The following ST7 variants were observed in gnomAD, a reference collection of about 807,000 sequenced individuals.
ST7 encodes the protein suppression of tumorigenicity 7, also known as suppressor of tumorigenicity 7 protein.
A neutral mutation model predicts 78.7 loss-of-function variants in ST7; 28 were observed. That is an observed-to-expected ratio of 0.36 (90% CI 0.26 to 0.49). The LOEUF (loss-of-function observed/expected upper bound fraction) is 0.49. ST7 is among the 20% of genes least tolerant of loss of function. The probability of loss-of-function intolerance (pLI) is 0.99; values close to 1 mark genes in which losing one functional copy is unlikely to be tolerated. For missense variants in ST7, 418 were observed against 696.0 expected (o/e 0.60, Z 4.49); for synonymous variants, 247 against 249.6 (o/e 0.99, Z 0.10).
chr7:117,111,454 A>C (rs1744593327), intron 2 of ST7, among the ~76,000 whole-genome samples: 1 of 152,158 alleles, frequency 6.6e-6, no homozygotes, highest in South Asian at 2.1e-4. Flanking sequence ...ACAAAGAAAA[A>C]CCCTGATGTT....
In ST7 at chr7:117,130,624, A is replaced by G. The variant is rs779248681; in HGVS notation, c.565+18A>G. Reference sequence around the variant, plus strand: ...AGATGCAAGTATGAAAAATCCATACATCCTTCTGAATGGGAGGGCTTTTTG... The same window carrying G: ...AGATGCAAGTATGAAAAATCCATACGTCCTTCTGAATGGGAGGGCTTTTTG... On this transcript the variant is annotated intron_variant, in intron 5 of 15. Coordinates refer to ENST00000323984, the MANE Select transcript of ST7 (RefSeq NM_001369598.1). The G allele has an allele frequency of 3.2e-6, 5 of 1,585,964 alleles. No homozygotes were observed. In the South Asian group the frequency reaches 5.6e-5, roughly 18 times the overall value.
intron 1 of ST7, among the ~76,000 whole-genome samples, chr7:117,031,882 ATTTTT>A (rs760153477): frequency 4.1e-4 from 45 of 110,332 alleles, no homozygotes; most frequent in African/African-American, 9.7e-4. Context: ...ATATATATAT[ATTTTT>A]TTTTTTTTTT....
chr7:117,091,129 T>G (rs372692409), intron 1 of ST7, among the ~76,000 whole-genome samples: 185 of 152,318 alleles, frequency 1.2e-3, no homozygotes, highest in Middle Eastern at 3.4e-3. Context: ...TGAGGGTTTC[T>G]TGCCATAGGA....
At chr7:117,124,205 C>G (rs1177780828) in intron 3 of ST7, among the ~76,000 whole-genome samples, 1 of 152,036 alleles carries the variant, frequency 6.6e-6, no homozygotes, top group Non-Finnish European at 1.5e-5. Flanking sequence ...AGCACTAGAA[C>G]AAATAATTTT....
At chr7:117,016,212 A>G (rs1269554068) in intron 1 of ST7, among the ~76,000 whole-genome samples, 1 of 151,894 alleles carries the variant, frequency 6.6e-6, no homozygotes, top group Non-Finnish European at 1.5e-5. Context: ...GTGCATTTTG[A>G]TTTTCTTTTC....
At chr7:117,035,068 C>T (rs2116226555) in intron 1 of ST7, among the ~76,000 whole-genome samples, 1 of 151,020 alleles carries the variant, frequency 6.6e-6, no homozygotes, top group African/African-American at 2.4e-5. Flanking sequence ...TTTCATGAGG[C>T]CAAGACCATG....
At chr7:117,164,437 G>A (rs1341977713) in intron 9 of ST7, among the ~76,000 whole-genome samples, 1 of 152,172 alleles carries the variant, frequency 6.6e-6, no homozygotes, top group African/African-American at 2.4e-5. Flanking sequence ...GGTGATATGA[G>A]GGGGTGGGTG....
At chr7:117,072,783 C>G (rs1040616425) in intron 1 of ST7, 2 of 152,248 alleles carry the variant, frequency 1.3e-5, no homozygotes, top group African/African-American at 4.8e-5. Flanking sequence ...GAGCTAATTC[C>G]TCCTAGCAGA....
intron 1 of ST7, among the ~76,000 whole-genome samples, chr7:116,989,041 A>G (rs1417450017): frequency 6.6e-6 from 1 of 152,222 alleles, no homozygotes; most frequent in Non-Finnish European, 1.5e-5. Flanking sequence ...CATGAGCCAC[A>G]TATGAAATTC....
intron 12 of ST7, among the ~76,000 whole-genome samples, chr7:117,206,268 A>G (rs1791743600): frequency 6.6e-6 from 1 of 152,226 alleles, no homozygotes; most frequent in African/African-American, 2.4e-5. Context: ...AAGGCTGATT[A>G]GGCCAGGGAT....
intron 14 of ST7, among the ~76,000 whole-genome samples, chr7:117,221,382 C>G (rs940384724): frequency 9.2e-5 from 14 of 152,064 alleles, no homozygotes; most frequent in African/African-American, 3.4e-4. Context: ...CTGGATATCT[C>G]TCTATGAGGG....
At chr7:117,198,117 G>A (rs868559720) in intron 12 of ST7, among the ~76,000 whole-genome samples, 5 of 152,204 alleles carry the variant, frequency 3.3e-5, no homozygotes, top group African/African-American at 1.2e-4. Flanking sequence ...CCACAGGACT[G>A]GAATAAAGTA....
At chr7:116,972,254 G>T (rs145940459) in intron 1 of ST7, 29 of 543,732 alleles carry the variant, frequency 5.3e-5, no homozygotes, top group African/African-American at 4.9e-4. Flanking sequence ...TTATCTTCCA[G>T]GTCTTCAATT....
At chr7:117,106,732 T>A (rs1432579814) in intron 2 of ST7, among the ~76,000 whole-genome samples, 3 of 150,436 alleles carry the variant, frequency 2.0e-5, no homozygotes, top group Non-Finnish European at 3.0e-5. Flanking sequence ...ACCATTCTCC[T>A]GCCTTAGCCT....
intron 1 of ST7, among the ~76,000 whole-genome samples, chr7:117,017,976 T>TA (rs1373097521): frequency 2.6e-5 from 4 of 152,074 alleles, no homozygotes; most frequent in African/African-American, 7.2e-5. Context: ...AAAGTAGACT[T>TA]AAAAAAATCA....
intron 4 of ST7, 82 bp from the exon 5 acceptor site, chr7:117,130,409 T>A (rs532832452): frequency 1.0e-6 from 1 of 992,336 alleles, no homozygotes; most frequent in South Asian, 1.6e-5. Context: ...GGTCTATATT[T>A]CAACGCCTCT....
intron 1 of ST7, among the ~76,000 whole-genome samples, chr7:117,023,746 T>A (rs1017547813): frequency 1.2e-4 from 18 of 151,708 alleles, no homozygotes; most frequent in African/African-American, 4.1e-4. Context: ...AAGGTGATAA[T>A]TAAAATGTAT....
intron 1 of ST7, among the ~76,000 whole-genome samples, chr7:117,010,881 G>A (rs545276458): frequency 4.2e-4 from 64 of 152,284 alleles, no homozygotes; most frequent in Non-Finnish European, 7.8e-4. Flanking sequence ...CCGTGGACTC[G>A]CGTGGCAGGC....
At chr7:117,044,381 G>GT (rs796836198) in intron 1 of ST7, among the ~76,000 whole-genome samples, 1 of 152,084 alleles carries the variant, frequency 6.6e-6, no homozygotes, top group Non-Finnish European at 1.5e-5. Context: ...TAAGGTAGGC[G>GT]TTTTTTTCGA....
Sources: gnomAD v4.1 joint callset for allele counts (sites outside exome capture counted in the v4.1 genomes callset) on GRCh38, gnomAD v4.1.1 for gene constraint, MANE v1.5 for transcripts, NCBI Gene and HGNC (gene_info 2026-07-23, HGNC 2026-07-21) for gene names.